Variants in MPRIP observed in about 807,000 individuals in gnomAD.
MPRIP encodes the protein myosin phosphatase Rho-interacting protein.
A neutral mutation model predicts 234.9 loss-of-function variants in MPRIP; 59 were observed. The observed-to-expected ratio is 0.25, with a 90% confidence interval of 0.20 to 0.31. The LOEUF (loss-of-function observed/expected upper bound fraction) is 0.31, where lower values mean the gene tolerates loss of function less well. MPRIP is among the 10% of genes least tolerant of loss of function. MPRIP has a pLI of 1.00. For missense variants in MPRIP, 2,436 were observed against 3,071.0 expected (o/e 0.79, Z 4.89); for synonymous variants, 1,144 against 1,263.9 (o/e 0.91, Z 2.01).
rs1419614073 is a variant in MPRIP, at chr17:17,158,968, C to T, written c.2366C>T (p.Ser789Phe). 2.5e-6 allele frequency: 4 copies of T among 1,612,792 alleles called. No homozygotes were observed. In the African/African-American group the frequency reaches 4.0e-5, roughly 16 times the overall value. Residue 789 changes from serine (S) to phenylalanine (F), a missense_variant, in exon 14 of 24, where the codon TCC (serine) becomes TTC (phenylalanine). Around this residue, in one of 4 missense-constraint regions of MPRIP, gnomAD observed 1,998 missense variants for 2,520.3 expected, o/e 0.79. Coordinates refer to ENST00000651222, the MANE Select transcript of MPRIP (RefSeq NM_001364716.4). ...TCTGAAGATGGGGGTGACCGGCTCT[C>T]CACACACGAGCTGACCTCTCTGCTC... ...LSSEDGGDRL[S>F]THELTSLLEK...
At chr17:17,137,473 C>T (rs2090724822) in intron 6 of MPRIP, among the ~76,000 whole-genome samples, 2 of 148,746 alleles carry the variant, frequency 1.3e-5, no homozygotes, top group African/African-American at 4.9e-5. Context: ...GAGATCACAC[C>T]ACTGCACTCT....
chr17:17,180,166 G>A (rs1567781951), intron 23 of MPRIP, 78 bp downstream of exon 23: 1 of 1,168,130 alleles, frequency 8.6e-7, no homozygotes, highest in Non-Finnish European at 1.2e-6. Flanking sequence ...AAGTATGAGT[G>A]CTCCCATGGG....
rs770084232 is a variant in MPRIP, at chr17:17,158,417, C to T, written c.1830-15C>T. On this transcript the variant is annotated splice_polypyrimidine_tract_variant and intron_variant, in intron 13 of 23. Coordinates refer to ENST00000651222, the MANE Select transcript of MPRIP (RefSeq NM_001364716.4). Reference sequence around the variant, plus strand: ...GCCGCCCCTGACAGGCTATGTCCATCCTCCTGCCCCACAGCTCGTTGCCAG... The same window carrying T: ...GCCGCCCCTGACAGGCTATGTCCATTCTCCTGCCCCACAGCTCGTTGCCAG... 9.8e-6 allele frequency: 15 copies of T among 1,535,228 alleles called. No homozygotes were observed. Among genetic ancestry groups the T allele is most frequent in the South Asian group, 1.2e-5 (1 of 80,108 alleles).
chr17:17,049,055 CAT>C, intron 1 of MPRIP, among the ~76,000 whole-genome samples: 1 of 152,176 alleles, frequency 6.6e-6, no homozygotes, highest in East Asian at 1.9e-4. Context: ...ACCTAGAAAA[CAT>C]TGCGCTAAGA....
chr17:17,079,428 A>G (rs2089411645), intron 3 of MPRIP, among the ~76,000 whole-genome samples: 1 of 152,178 alleles, frequency 6.6e-6, no homozygotes, highest in Non-Finnish European at 1.5e-5. Flanking sequence ...AAGCATTTGG[A>G]CACTCCGTTC....
chr17:17,049,056 A>G (rs1044716962), intron 1 of MPRIP, among the ~76,000 whole-genome samples: 1 of 152,208 alleles, frequency 6.6e-6, no homozygotes, highest in African/African-American at 2.4e-5. Context: ...CCTAGAAAAC[A>G]TTGCGCTAAG....
In MPRIP at chr17:17,164,881, C is replaced by A. The variant is rs890657643; in HGVS notation, c.3290C>A (p.Ala1097Glu). ...EAREASVRRL[A>E]EHVQSLCDER... ...CGAGAGGCCAGCGTGCGCAGGCTCGCAGAGCACGTGCAGAGCCTCTGTGAC... is the reference window on the plus strand; with the variant it reads ...CGAGAGGCCAGCGTGCGCAGGCTCGAAGAGCACGTGCAGAGCCTCTGTGAC... The change falls in exon 16 of 24, where the codon GCA (alanine) becomes GAA (glutamate). Residue 1097 changes from alanine to glutamate, a missense_variant. Physicochemically the swap from Ala to Glu is moderately radical, Grantham distance 107. Around this residue, in one of 4 missense-constraint regions of MPRIP, gnomAD observed 1,998 missense variants for 2,520.3 expected, o/e 0.79. Transcript: ENST00000651222. 4.6e-6 allele frequency: 6 copies of A among 1,303,792 alleles called. No homozygotes were observed. The African/African-American group carries it at 6.1e-5, about 13-fold the overall frequency. The allele number at this position is 1,303,792 out of a possible 1,614,324, so 80.8% of individuals were successfully genotyped here. A position where few individuals can be genotyped will look rare whatever the true frequency, so the allele number is the denominator to read the frequency against.
intron 3 of MPRIP, among the ~76,000 whole-genome samples, chr17:17,122,067 A>G (rs1451888777): frequency 1.3e-5 from 2 of 152,206 alleles, no homozygotes; most frequent in Non-Finnish European, 2.9e-5. Context: ...TGTATCATTG[A>G]TGGGCATTCC....
At chr17:17,047,317 A>G (rs542454232) in intron 1 of MPRIP, among the ~76,000 whole-genome samples, 125 of 152,052 alleles carry the variant, frequency 8.2e-4, no homozygotes, top group Non-Finnish European at 1.5e-3. Flanking sequence ...TATTGCAGGT[A>G]TTTTTTCCCA....
chr17:17,163,115 G>A (rs1229210984), intron 15 of MPRIP, among the ~76,000 whole-genome samples: 1 of 152,200 alleles, frequency 6.6e-6, no homozygotes, highest in Non-Finnish European at 1.5e-5. Flanking sequence ...TGAGCAGGGG[G>A]TCTGTGGGGT....
chr17:17,171,390 C>A, intron 16 of MPRIP: 1 of 248,992 alleles, frequency 4.0e-6, no homozygotes, highest in East Asian at 9.5e-5. Context: ...GCAGGAAGGT[C>A]CAGGGTTGGC....
At chr17:17,153,469 A>C (rs973480175) in intron 12 of MPRIP, among the ~76,000 whole-genome samples, 1 of 151,808 alleles carries the variant, frequency 6.6e-6, no homozygotes, top group Non-Finnish European at 1.5e-5. Context: ...CCTGGTACCC[A>C]GGCAGGTCTG....
At chr17:17,173,864 G>C in intron 18 of MPRIP, 52 bp from the exon 19 acceptor site, 1 of 1,606,704 alleles carries the variant, frequency 6.2e-7, no homozygotes, top group Non-Finnish European at 8.5e-7. Context: ...ACCGGCCTCT[G>C]AGAGGCCTTG....
At chr17:17,153,088 C>G (rs1301782657) in intron 12 of MPRIP, among the ~76,000 whole-genome samples, 1 of 152,086 alleles carries the variant, frequency 6.6e-6, no homozygotes, top group Non-Finnish European at 1.5e-5. Flanking sequence ...AAGGATGGAC[C>G]CAGGAGAAGG....
At chr17:17,172,547 G>T (rs906368313) in intron 17 of MPRIP, 151 bp from the exon 18 acceptor site, 6 of 609,136 alleles carry the variant, frequency 9.9e-6, no homozygotes, top group South Asian at 2.0e-5. Context: ...TTCATGAGGG[G>T]CCAGCCTGTC....
chr17:17,110,405 C>T (rs926292264), intron 3 of MPRIP, among the ~76,000 whole-genome samples: 1 of 152,148 alleles, frequency 6.6e-6, no homozygotes, highest in African/African-American at 2.4e-5. Flanking sequence ...TCCGTATTGG[C>T]ATAAGGAAAT....
At chr17:17,070,374 G>T (rs541983738) in intron 1 of MPRIP, among the ~76,000 whole-genome samples, 1 of 152,192 alleles carries the variant, frequency 6.6e-6, no homozygotes, top group African/African-American at 2.4e-5. Flanking sequence ...CTCCTATCCT[G>T]CAGAGACTCT....
intron 1 of MPRIP, among the ~76,000 whole-genome samples, chr17:17,045,570 A>G (rs2088320257): frequency 6.6e-6 from 1 of 152,204 alleles, no homozygotes; most frequent in African/African-American, 2.4e-5. Context: ...CCACACCATG[A>G]GCACATGATG....
chr17:17,150,133 T>C lies in MPRIP; in HGVS notation c.1630-11T>C. On this transcript the variant is annotated splice_polypyrimidine_tract_variant and intron_variant, in intron 11 of 23. Transcript: ENST00000651222. ...CTAAAAATCTCAAGACATTCTCACTTCCCTCGGCAGGCAGCCGACTTGGAT... is the reference window on the plus strand; with the variant it reads ...CTAAAAATCTCAAGACATTCTCACTCCCCTCGGCAGGCAGCCGACTTGGAT... 1.9e-6 allele frequency: 3 copies of C among 1,608,162 alleles called. No individual in the cohort carries two copies. The highest frequency in any genetic ancestry group is 2.6e-6 in the Non-Finnish European group (3 of 1,174,984).
Sources: gnomAD v4.1 joint callset for allele counts (sites outside exome capture counted in the v4.1 genomes callset) on GRCh38, gnomAD v4.1.1 for gene constraint, gnomAD v4.1.1 regional missense constraint, MANE v1.5 for transcripts, NCBI Gene and HGNC (gene_info 2026-07-23, HGNC 2026-07-21) for gene names.